Variants in B4GALNT1 observed in about 807,000 individuals in gnomAD.
B4GALNT1 encodes beta-1,4 N-acetylgalactosaminyltransferase 1.
Under a neutral mutation model 55.2 loss-of-function variants are expected in B4GALNT1, and 43 were observed. That is an observed-to-expected ratio of 0.78 (90% confidence interval 0.61 to 1.00). B4GALNT1 has a LOEUF of 1.00. B4GALNT1 is among the 50% of genes least tolerant of loss of function. The pLI is 0.00. For synonymous variants in B4GALNT1, 305 were observed against 311.6 expected (o/e 0.98, Z 0.22); for missense variants, 664 against 729.7 (o/e 0.91, Z 1.04).
In B4GALNT1 at chr12:57,631,809, A is replaced by G. The variant is rs964612418; in HGVS notation, c.218+106T>C. ...TTCCACCTCCCACTTCACTCCACACAGCCCGTTAGGAGAATGCAGGCATCT... is the reference window on the plus strand; with the variant it reads ...TTCCACCTCCCACTTCACTCCACACGGCCCGTTAGGAGAATGCAGGCATCT... On this transcript the variant is annotated intron_variant, in intron 2 of 10. Transcript: ENST00000341156. The G allele has an allele frequency of 1.4e-5, 16 of 1,152,812 alleles. No individual in the cohort carries two copies. In the African/African-American group the frequency reaches 2.5e-4, roughly 18 times the overall value. 71.4% of individuals were successfully genotyped at this position (1,152,812 alleles called of 1,614,324 possible).
At chr12:57,627,069 TG>T (rs1335112258) in intron 10 of B4GALNT1, 108 bp from the exon 11 acceptor site, 10 of 914,718 alleles carry the variant, frequency 1.1e-5, no homozygotes, top group Non-Finnish European at 1.7e-5. Flanking sequence ...TGCAAAGGCT[TG>T]TTTCTAAGGA....
chr12:57,633,168 C>A lies in B4GALNT1; in HGVS notation c.-398G>T, dbSNP rs959149693. 1 of 152,274 alleles carries A rather than the reference C, an allele frequency of 6.6e-6. No individual in the cohort carries two copies. The highest frequency in any genetic ancestry group is 1.5e-5 in the Non-Finnish European group (1 of 68,050). The allele number at this position is 152,274 out of a possible 1,614,324, so 9.4% of individuals were successfully genotyped here. The stretch of plus-strand genomic sequence containing the variant: ...GCGCAGCGCGGCTCAGCTCCCGGCT[C>A]GTTGCGGCTGCTTCGGCTCCGCGCG... On this transcript the variant is annotated 5_prime_UTR_variant, in exon 1 of 11. Coordinates refer to ENST00000341156, the MANE Select transcript of B4GALNT1 (RefSeq NM_001478.5).
intron 6 of B4GALNT1, chr12:57,629,597 CA>C (rs1191450994): frequency 2.0e-6 from 1 of 507,164 alleles, no homozygotes; most frequent in Non-Finnish European, 3.3e-6. Context: ...GAAAATAAGA[CA>C]AACAAGTAAT....
intron 6 of B4GALNT1, chr12:57,629,827 A>C (rs1302502946): frequency 6.9e-7 from 1 of 1,453,402 alleles, no homozygotes; most frequent in Non-Finnish European, 9.0e-7. Flanking sequence ...GAAAGTAAAG[A>C]CCTTTGCCCT....
chr12:57,628,426 G>A, intron 8 of B4GALNT1, 164 bp from the exon 9 acceptor site: 2 of 1,068,548 alleles, frequency 1.9e-6, no homozygotes, highest in East Asian at 5.2e-5. Context: ...GATCCCCACA[G>A]AGGTTCCAAG....
rs61649746 is a variant in B4GALNT1, at chr12:57,628,146, C to T, written c.1119G>A (p.Val373=). 3.3e-3 allele frequency: 5,289 copies of T among 1,614,100 alleles called. 160 individuals are homozygous for T. In the African/African-American group the frequency reaches 0.062, roughly 19 times the overall value. ...ARTRLERLVD[V]LERTPLDLVG... ...CCAGGTCCAGCGGCGTCCGCTCCAGCACGTCCACAAGCCTCTCCAGCCGCG... is the reference window on the plus strand; with the variant it reads ...CCAGGTCCAGCGGCGTCCGCTCCAGTACGTCCACAAGCCTCTCCAGCCGCG... The change falls in exon 9 of 11, where the codon GTG becomes GTA. Residue 373 remains valine, a synonymous_variant. Coordinates refer to ENST00000341156, the MANE Select transcript of B4GALNT1 (RefSeq NM_001478.5).
Position 57,629,063 on chromosome 12 carries a change from A to G in B4GALNT1, c.796T>C (p.Ser266Pro). ...CCAGCCTCACCTCCCTGGGGTAGAG[A>G]CCCAGGTGGGTACAGCCGAGGGTTG... ...PPNPRLYPPG[S>P]LPQGAQYNIS... The change falls in exon 7 of 11, where the codon TCT becomes CCT. Residue 266 changes from serine (S) to proline (P), a missense_variant. Transcript: ENST00000341156. 6.3e-7 allele frequency: 1 copy of G among 1,588,280 alleles called. No homozygotes were observed.
intron 2 of B4GALNT1, 116 bp from the exon 3 acceptor site, chr12:57,631,480 T>C: frequency 8.2e-7 from 1 of 1,213,398 alleles, no homozygotes. Flanking sequence ...GTCTAGGCTC[T>C]GTCCCCTTAA....
At position 57,623,736 on chromosome 12, in the gene B4GALNT1, A is replaced by C; in HGVS notation, c.*3008T>G. On this transcript the variant is annotated 3_prime_UTR_variant, in exon 11 of 11. Coordinates refer to ENST00000341156, the MANE Select transcript of B4GALNT1 (RefSeq NM_001478.5). ...TGGAAGGAGATTTGGGAGAAGGGAG[A>C]CTTCCGAGGAAGATTAGGCAGAGTG... The C allele has an allele frequency of 1.0e-6, 1 of 986,012 alleles. No individual in the cohort carries two copies. The highest frequency in any genetic ancestry group is 1.6e-5 in the African/African-American group (1 of 61,730). The allele number at this position is 986,012 out of a possible 1,614,324, so 61.1% of individuals were successfully genotyped here.
intron 8 of B4GALNT1, 184 bp downstream of exon 8, chr12:57,628,529 T>C (rs1884989294): frequency 1.2e-6 from 1 of 852,336 alleles, no homozygotes; most frequent in Admixed American, 2.8e-5. Flanking sequence ...TAAGCACCAT[T>C]CTAAGAATTC....
In B4GALNT1 at chr12:57,628,231, GA is replaced by G; in HGVS notation, c.1033del (p.Ser345LeufsTer3). 6.2e-7 allele frequency: 1 copy of G among 1,614,292 alleles called. No individual in the cohort carries two copies. Among genetic ancestry groups the G allele is most frequent in the Non-Finnish European group, 8.5e-7 (1 of 1,180,056 alleles). On this transcript the variant is annotated frameshift_variant, in exon 9 of 11. Transcript: ENST00000341156. LOFTEE classifies it high-confidence loss of function. ...CAGCACGTACTTGGTGGTTACTTGA[GA>G]CACGGCCAGGTTCCGGCCTGCGAAC... ...GWFAGRNLAV[S>X]QVTTKYVLWV...
chr12:57,632,014 C>A lies in B4GALNT1; in HGVS notation c.119G>T (p.Trp40Leu). ...CCTGCGGGGGCTTTGCGGGGGCGCC[C>A]ACGGCGCAAGAGGTAGCCGGAGGCC... Reference protein sequence around the residue: ...APGLRLPLAPWAPPQSPRRPE... With the variant: ...APGLRLPLAPLAPPQSPRRPE... The change falls in exon 2 of 11, where the codon TGG becomes TTG. Residue 40 changes from tryptophan (W) to leucine (L), a missense_variant. Trp to Leu is a moderately conservative substitution (Grantham distance 61). Transcript: ENST00000341156. The A allele has an allele frequency of 6.9e-7, 1 of 1,449,318 alleles. No individual in the cohort carries two copies. Among genetic ancestry groups the A allele is most frequent in the Non-Finnish European group, 9.1e-7 (1 of 1,100,852 alleles). The allele number at this position is 1,449,318 out of a possible 1,614,324, so 89.8% of individuals were successfully genotyped here.
In B4GALNT1 at chr12:57,625,077, T is replaced by C; in HGVS notation, c.*1667A>G. 3.7e-6 allele frequency: 6 copies of C among 1,614,096 alleles called. No individual in the cohort carries two copies. Among genetic ancestry groups the C allele is most frequent in the Non-Finnish European group, 5.1e-6 (6 of 1,179,954 alleles). On this transcript the variant is annotated 3_prime_UTR_variant, in exon 11 of 11. Coordinates refer to ENST00000341156, the MANE Select transcript of B4GALNT1 (RefSeq NM_001478.5). ...GATCCTTGTGCTCAAGGGGTGCATG[T>C]TCATGCTGTGTTTCGGGAGTGGTGA...
At position 57,630,489 on chromosome 12, in the gene B4GALNT1, C is replaced by A. The variant is rs1474944805; in HGVS notation, c.520G>T (p.Glu174Ter). The stretch of plus-strand genomic sequence containing the variant: ...TTGTTTTCTCTCACCTGGTATACCT[C>A]CTGACCAGAAGCTGCCTGAAGGCTC... ...GLSLQAASGQ[E>*]VYQVNLTASL... Residue 174 changes from glutamate to a stop codon, truncating the protein, a stop_gained, in exon 5 of 11, where the codon GAG becomes TAG. Transcript: ENST00000341156. LOFTEE classifies it high-confidence loss of function. 6.2e-6 allele frequency: 10 copies of A among 1,609,468 alleles called. No homozygotes were observed. The highest frequency in any genetic ancestry group is 8.5e-6 in the Non-Finnish European group (10 of 1,177,826).
In B4GALNT1 at chr12:57,631,900, G is replaced by T. The variant is rs1314216378; in HGVS notation, c.218+15C>A. 9.4e-6 allele frequency: 13 copies of T among 1,376,536 alleles called. No homozygotes were observed. The highest frequency in any genetic ancestry group is 2.5e-4 in the Middle Eastern group (1 of 4,054). The allele number at this position is 1,376,536 out of a possible 1,614,324, so 85.3% of individuals were successfully genotyped here. A position where few individuals can be genotyped will look rare whatever the true frequency, so the allele number is the denominator to read the frequency against. On this transcript the variant is annotated intron_variant, in intron 2 of 10. Transcript: ENST00000341156. The stretch of plus-strand genomic sequence containing the variant: ...CCAGCGAGCGCTGCGCTGCGCCGCC[G>T]CGGTCGGCACTCACCCCACTACTTG...
In B4GALNT1 at chr12:57,625,761, C is replaced by T; in HGVS notation, c.*983G>A. On this transcript the variant is annotated 3_prime_UTR_variant, in exon 11 of 11. Transcript: ENST00000341156. Reference sequence around the variant, plus strand: ...CGGCAAGTGAGGCAGGGGTAAGTGGCTGGAGACCCAGGGAGAGGGGTTTGG... The same window carrying T: ...CGGCAAGTGAGGCAGGGGTAAGTGGTTGGAGACCCAGGGAGAGGGGTTTGG... 1 of 1,514,460 alleles carries T rather than the reference C, an allele frequency of 6.6e-7. No individual in the cohort carries two copies. The highest frequency in any genetic ancestry group is 1.3e-5 in the South Asian group (1 of 74,672). 93.8% of individuals were successfully genotyped at this position (1,514,460 alleles called of 1,614,324 possible). A position where few individuals can be genotyped will look rare whatever the true frequency, so the allele number is the denominator to read the frequency against.
In B4GALNT1 at chr12:57,625,363, T is replaced by A; in HGVS notation, c.*1381A>T. 1.2e-6 allele frequency: 2 copies of A among 1,614,074 alleles called. No individual in the cohort carries two copies. Among genetic ancestry groups the A allele is most frequent in the Non-Finnish European group, 8.5e-7 (1 of 1,179,990 alleles). On this transcript the variant is annotated 3_prime_UTR_variant, in exon 11 of 11. Coordinates refer to ENST00000341156, the MANE Select transcript of B4GALNT1 (RefSeq NM_001478.5). ...GAGGAGAAACCCCTTAGCATCTCAC[T>A]CATACCCTCTGATCTGGGACTTAAC... is the stretch of plus-strand genomic sequence containing the variant.
intron 2 of B4GALNT1, among the ~76,000 whole-genome samples, chr12:57,631,571 G>A (rs963430386): frequency 2.6e-5 from 4 of 152,114 alleles, no homozygotes; most frequent in Non-Finnish European, 5.9e-5. Context: ...TAGAGTTGTA[G>A]GATAGGGCCA....
At chr12:57,628,668 C>G in intron 8 of B4GALNT1, 45 bp downstream of exon 8, 1 of 1,609,738 alleles carries the variant, frequency 6.2e-7, no homozygotes, top group Non-Finnish European at 8.5e-7. Flanking sequence ...GGCACACCCC[C>G]TGCGGGAGTC....
Sources: gnomAD v4.1 joint callset for allele counts (sites outside exome capture counted in the v4.1 genomes callset) on GRCh38, gnomAD v4.1.1 for gene constraint, MANE v1.5 for transcripts, NCBI Gene and HGNC (gene_info 2026-07-23, HGNC 2026-07-21) for gene names.